PTPRG: variants seen among roughly 807,000 people sequenced by gnomAD.
PTPRG encodes the protein receptor-type tyrosine-protein phosphatase gamma.
Under a neutral mutation model 165.3 loss-of-function variants are expected in PTPRG, and 102 were observed. The ratio of observed to expected loss-of-function variants is 0.62; its 90% CI spans 0.53 to 0.73. The LOEUF is 0.73. Ranked by LOEUF, PTPRG falls within the 30% of genes least tolerant of loss-of-function variation. The pLI is 0.00. For missense variants in PTPRG, 1,866 were observed against 1,861.4 expected (o/e 1.00, Z -0.05); for synonymous variants, 675 against 669.5 (o/e 1.01, Z -0.13).
chr3:61,969,880 C>G (rs2040346578), intron 2 of PTPRG, among the ~76,000 whole-genome samples: 2 of 152,150 alleles, frequency 1.3e-5, no homozygotes, highest in South Asian at 4.2e-4. Context: ...TGTCCTTTCT[C>G]AATCACACTG....
At chr3:62,287,516 A>T (rs1702711317) in intron 28 of PTPRG, among the ~76,000 whole-genome samples, 1 of 152,122 alleles carries the variant, frequency 6.6e-6, no homozygotes, top group Non-Finnish European at 1.5e-5. Flanking sequence ...TGAAACTAAA[A>T]ACTTAAAAGA....
chr3:62,191,521 A>G lies in PTPRG; in HGVS notation c.1086A>G (p.Ala362=). Residue 362 remains alanine (A), a synonymous_variant, in exon 9 of 30, where the codon GCA becomes GCG. Transcript: ENST00000474889. ...AGGTGCAGCCTCTGAACCAGACGGC[A>G]CTGCAGGTGTCCTGGAGCCAGCCGG... The part of the protein sequence containing the change: ...HMKVQPLNQT[A]LQVSWSQPET... 1 of 1,614,106 alleles carries G rather than the reference A, an allele frequency of 6.2e-7. No individual in the cohort carries two copies. Among genetic ancestry groups the G allele is most frequent in the Non-Finnish European group, 8.5e-7 (1 of 1,180,012 alleles).
chr3:62,249,864 A>G (rs1701372031), intron 15 of PTPRG, among the ~76,000 whole-genome samples: 5 of 152,286 alleles, frequency 3.3e-5, no homozygotes, highest in South Asian at 2.1e-4. Flanking sequence ...AGGTAATATA[A>G]TAAGGAAGAA....
intron 2 of PTPRG, among the ~76,000 whole-genome samples, chr3:61,928,409 G>A (rs1210570665): frequency 6.6e-6 from 1 of 152,064 alleles, no homozygotes. Flanking sequence ...GACTTATTTT[G>A]CCTGAGTCCA....
intron 1 of PTPRG, among the ~76,000 whole-genome samples, chr3:61,707,653 T>G (rs976489112): frequency 2.6e-5 from 4 of 152,228 alleles, no homozygotes; most frequent in Non-Finnish European, 5.9e-5. Flanking sequence ...ATTCAAATGT[T>G]AATCTCATCC....
At chr3:62,269,290 T>G (rs998489750) in intron 20 of PTPRG, 121 bp downstream of exon 20, 5 of 1,054,044 alleles carry the variant, frequency 4.7e-6, no homozygotes, top group African/African-American at 1.6e-5. Context: ...TTTTAAAACA[T>G]TTTTTCATAA....
intron 2 of PTPRG, among the ~76,000 whole-genome samples, chr3:61,757,490 C>G (rs2033669436): frequency 6.6e-6 from 1 of 152,078 alleles, no homozygotes; most frequent in African/African-American, 2.4e-5. Flanking sequence ...CTTTAATTGG[C>G]TGTATCTAAA....
intron 2 of PTPRG, among the ~76,000 whole-genome samples, chr3:61,980,062 T>C (rs1454392227): frequency 6.6e-6 from 1 of 152,192 alleles, no homozygotes; most frequent in African/African-American, 2.4e-5. Flanking sequence ...AAATTTCTCA[T>C]GAGCTTGAGC....
In PTPRG at chr3:62,293,248, G is replaced by T; in HGVS notation, c.4279G>T (p.Gly1427Cys). ...GNGPMTVDKN[G>C]AVLIADESDP... ...TGGTCCCATGACAGTAGACAAAAAT[G>T]GTGCTGTTCTTATTGCAGATGAATC... is the stretch of plus-strand genomic sequence containing the variant. The change falls in exon 30 of 30, where the codon GGT becomes TGT. Residue 1427 changes from glycine (G) to cysteine (C), a missense_variant. Gly to Cys is a radical substitution (Grantham distance 159). Around this residue, in one of 3 missense-constraint regions of PTPRG, gnomAD observed 1,452 missense variants for 1,463.0 expected, o/e 0.99. Transcript: ENST00000474889. 6.2e-7 allele frequency: 1 copy of T among 1,611,824 alleles called. No homozygotes were observed. The highest frequency in any genetic ancestry group is 8.5e-7 in the Non-Finnish European group (1 of 1,179,134).
chr3:61,983,732 C>G (rs1237065243), intron 2 of PTPRG, among the ~76,000 whole-genome samples: 1 of 152,088 alleles, frequency 6.6e-6, no homozygotes, highest in Non-Finnish European at 1.5e-5. Context: ...CAACTTTTAT[C>G]TTAGGTCAGT....
At chr3:61,968,132 T>C (rs916108660) in intron 2 of PTPRG, among the ~76,000 whole-genome samples, 4 of 152,188 alleles carry the variant, frequency 2.6e-5, no homozygotes, top group Non-Finnish European at 4.4e-5. Context: ...GATGATGTCA[T>C]TTTGGCCATA....
intron 19 of PTPRG, 43 bp from the exon 20 acceptor site, chr3:62,268,992 G>T: frequency 6.7e-7 from 1 of 1,498,380 alleles, no homozygotes; most frequent in Non-Finnish European, 9.0e-7. Context: ...CAGAATTGTG[G>T]CATAGATTGC....
chr3:61,635,624 C>T (rs1701888831), intron 1 of PTPRG, among the ~76,000 whole-genome samples: 1 of 151,936 alleles, frequency 6.6e-6, no homozygotes, highest in African/African-American at 2.4e-5. Flanking sequence ...TGGGATTACA[C>T]ATGTGAGCCA....
chr3:61,900,996 C>T (rs1174191207), intron 2 of PTPRG, among the ~76,000 whole-genome samples: 5 of 152,122 alleles, frequency 3.3e-5, no homozygotes, highest in African/African-American at 1.2e-4. Flanking sequence ...AGCATAGAAA[C>T]TTGTTAGTTC....
intron 4 of PTPRG, among the ~76,000 whole-genome samples, chr3:62,052,526 T>A (rs1700499237): frequency 6.6e-6 from 1 of 152,128 alleles, no homozygotes; most frequent in Admixed American, 6.5e-5. Flanking sequence ...AGATTGCATC[T>A]CTACAAAAAA....
intron 2 of PTPRG, among the ~76,000 whole-genome samples, chr3:61,986,802 G>A (rs1472155084): frequency 2.0e-5 from 3 of 152,200 alleles, no homozygotes; most frequent in Non-Finnish European, 4.4e-5. Context: ...TAAAGTGCAA[G>A]TGACTTCTTA....
intron 2 of PTPRG, among the ~76,000 whole-genome samples, chr3:61,986,699 T>A (rs182866385): frequency 5.3e-5 from 8 of 152,302 alleles, no homozygotes; most frequent in Admixed American, 5.2e-4. Flanking sequence ...TGTACTAGAT[T>A]GACGTGTTGG....
chr3:61,932,505 G>C (rs542025538), intron 2 of PTPRG, among the ~76,000 whole-genome samples: 2 of 152,162 alleles, frequency 1.3e-5, no homozygotes, highest in Admixed American at 6.5e-5. Context: ...TAAAAGGGTC[G>C]AATATAAAAA....
At chr3:61,676,905 C>G (rs969106232) in intron 1 of PTPRG, among the ~76,000 whole-genome samples, 1 of 152,074 alleles carries the variant, frequency 6.6e-6, no homozygotes, top group African/African-American at 2.4e-5. Flanking sequence ...TATTATCTGT[C>G]CTGTGAGCCT....
Sources: gnomAD v4.1 joint callset for allele counts (sites outside exome capture counted in the v4.1 genomes callset) on GRCh38, gnomAD v4.1.1 for gene constraint, gnomAD v4.1.1 regional missense constraint, MANE v1.5 for transcripts, NCBI Gene and HGNC (gene_info 2026-07-23, HGNC 2026-07-21) for gene names.